Variants in RABGEF1 observed in about 807,000 individuals in gnomAD.
The protein encoded by RABGEF1 is rab5 GDP/GTP exchange factor.
In RABGEF1, 26 loss-of-function variants were observed where a neutral mutation model predicts 57.3. That is an observed-to-expected ratio of 0.45 (90% CI 0.33 to 0.63). The LOEUF is 0.63. RABGEF1 is among the 20% of genes least tolerant of loss of function. The pLI is 0.02. For missense variants in RABGEF1, 464 were observed against 607.6 expected (o/e 0.76, Z 2.48); for synonymous variants, 185 against 210.7 (o/e 0.88, Z 1.06).
intron 1 of RABGEF1, among the ~76,000 whole-genome samples, chr7:66,692,007 T>C (rs933801883): frequency 4.6e-5 from 7 of 152,128 alleles, no homozygotes; most frequent in African/African-American, 1.7e-4. Flanking sequence ...CAGTGAGCCA[T>C]GATGGTGCCA....
At chr7:66,778,303 C>A (rs1193302893) in intron 3 of RABGEF1, among the ~76,000 whole-genome samples, 3 of 150,290 alleles carry the variant, frequency 2.0e-5, no homozygotes, top group South Asian at 2.1e-4. Context: ...ATACAAATAA[C>A]CTTCTAAGGA....
chr7:66,739,509 A>T (rs113870627), upstream of RABGEF1, among the ~76,000 whole-genome samples: 381 of 151,642 alleles, frequency 2.5e-3, 1 homozygote, highest in African/African-American at 8.9e-3. Flanking sequence ...CAAAAAAAAA[A>T]ATATGAGCTG....
At chr7:66,742,401 CAG>C (rs2129049461) in intron 1 of RABGEF1, among the ~76,000 whole-genome samples, 1 of 152,206 alleles carries the variant, frequency 6.6e-6, no homozygotes, top group African/African-American at 2.4e-5. Flanking sequence ...ACTTTCAAAA[CAG>C]TGTGGTAAGG....
chr7:66,736,174 C>G (rs1797921251), upstream of RABGEF1, among the ~76,000 whole-genome samples: 1 of 152,188 alleles, frequency 6.6e-6, no homozygotes, highest in Non-Finnish European at 1.5e-5. Context: ...CTCAAGACCC[C>G]TAGTCATAGG....
intron 3 of RABGEF1, among the ~76,000 whole-genome samples, chr7:66,781,803 A>G (rs995190327): frequency 2.6e-5 from 4 of 152,184 alleles, no homozygotes; most frequent in Non-Finnish European, 4.4e-5. Flanking sequence ...TCCAAATGCT[A>G]TCTGCTCAAT....
At chr7:66,720,188 A>T (rs868840940) in intron 2 of RABGEF1, among the ~76,000 whole-genome samples, 67 of 120,458 alleles carry the variant, frequency 5.6e-4, no homozygotes, top group African/African-American at 8.0e-4. Flanking sequence ...TATTATTATT[A>T]TTATTATTTT....
chr7:66,804,103 T>A (rs964783562), intron 7 of RABGEF1, among the ~76,000 whole-genome samples: 14 of 151,184 alleles, frequency 9.3e-5, no homozygotes, highest in South Asian at 8.3e-4. Flanking sequence ...TTTTTTTTTT[T>A]AACAAGATTT....
intron 1 of RABGEF1, among the ~76,000 whole-genome samples, chr7:66,692,077 A>G (rs902600746): frequency 1.3e-5 from 2 of 150,954 alleles, no homozygotes; most frequent in African/African-American, 5.0e-5. Context: ...AAACAAACAA[A>G]CAAATAAATA....
chr7:66,681,047 C>T (rs1458425383), upstream of RABGEF1, among the ~76,000 whole-genome samples: 1 of 152,162 alleles, frequency 6.6e-6, no homozygotes, highest in African/African-American at 2.4e-5. Flanking sequence ...CACACCACTG[C>T]ACTCCACTCT....
At chr7:66,751,689 G>A (rs978593160) in intron 1 of RABGEF1, among the ~76,000 whole-genome samples, 3 of 152,110 alleles carry the variant, frequency 2.0e-5, no homozygotes, top group Non-Finnish European at 4.4e-5. Flanking sequence ...GGAGTTTATA[G>A]GAGTCCCTCC....
chr7:66,770,739 C>T (rs1806895208), intron 1 of RABGEF1, among the ~76,000 whole-genome samples: 1 of 152,234 alleles, frequency 6.6e-6, no homozygotes, highest in African/African-American at 2.4e-5. Flanking sequence ...CCACCTTGGC[C>T]TCCCAAAGTG....
At chr7:66,792,333 A>G (rs1812902857) in intron 4 of RABGEF1, among the ~76,000 whole-genome samples, 1 of 152,184 alleles carries the variant, frequency 6.6e-6, no homozygotes, top group South Asian at 2.1e-4. Flanking sequence ...CCTTATTTGC[A>G]GGCTAACAAA....
chr7:66,681,501 C>T (rs1343946504), upstream of RABGEF1, among the ~76,000 whole-genome samples: 1 of 151,344 alleles, frequency 6.6e-6, no homozygotes, highest in South Asian at 2.1e-4. Context: ...GGCTATCAAG[C>T]GATCCTCCCA....
intron 1 of RABGEF1, among the ~76,000 whole-genome samples, chr7:66,742,854 G>T (rs540294677): frequency 1.1e-4 from 16 of 152,212 alleles, no homozygotes; most frequent in African/African-American, 3.6e-4. Flanking sequence ...CAATCTTCCT[G>T]CCTCAAGCGT....
intron 1 of RABGEF1, among the ~76,000 whole-genome samples, chr7:66,755,551 C>T (rs1407965927): frequency 6.6e-6 from 1 of 152,176 alleles, no homozygotes; most frequent in Non-Finnish European, 1.5e-5. Flanking sequence ...TTGCAAGTTG[C>T]TGTTACCTTA....
chr7:66,664,762 G>T, the RABGEF1 span, among the ~76,000 whole-genome samples: 1 of 152,214 alleles, frequency 6.6e-6, no homozygotes, highest in Admixed American at 6.5e-5. Flanking sequence ...TGCGCCGGCG[G>T]CTGCCGCTTA....
intron 1 of RABGEF1, among the ~76,000 whole-genome samples, chr7:66,705,705 T>G (rs1189252711): frequency 6.6e-6 from 1 of 151,568 alleles, no homozygotes; most frequent in East Asian, 1.9e-4. Flanking sequence ...GTTTTTTTTT[T>G]TGTTTTTTTT....
the RABGEF1 span, among the ~76,000 whole-genome samples, chr7:66,671,211 C>A: frequency 1.3e-5 from 2 of 151,888 alleles, no homozygotes; most frequent in African/African-American, 2.4e-5. Flanking sequence ...GCTATGTTGC[C>A]CCGGGTGGAA....
At chr7:66,727,686 C>T (rs539999868) in intron 2 of RABGEF1, among the ~76,000 whole-genome samples, 88 of 152,350 alleles carry the variant, frequency 5.8e-4, no homozygotes, top group African/African-American at 2.1e-3. Flanking sequence ...CTTCTCCAGG[C>T]CAGCCCCTCG....
Sources: gnomAD v4.1 joint callset for allele counts (sites outside exome capture counted in the v4.1 genomes callset) on GRCh38, gnomAD v4.1.1 for gene constraint, MANE v1.5 for transcripts, NCBI Gene and HGNC (gene_info 2026-07-23, HGNC 2026-07-21) for gene names.